IGSF21: variants seen among roughly 807,000 people sequenced by gnomAD.
IGSF21 encodes the protein immunoglobulin superfamily member 21.
Under a neutral mutation model 46.8 loss-of-function variants are expected in IGSF21, and 28 were observed. The ratio of observed to expected loss-of-function variants is 0.60; its 90% CI spans 0.44 to 0.82. IGSF21 has a LOEUF of 0.82. IGSF21 is among the 40% of genes least tolerant of loss of function. IGSF21 has a pLI of 0.00. For synonymous variants in IGSF21, 284 were observed against 273.6 expected, an observed-to-expected ratio of 1.04 and a Z score of -0.38; for missense variants, 624 against 665.5, an observed-to-expected ratio of 0.94 and a Z score of 0.69.
chr1:18,144,438 G>A (rs1026448550), intron 1 of IGSF21, among the ~76,000 whole-genome samples: 3 of 152,214 alleles, frequency 2.0e-5, no homozygotes, highest in Non-Finnish European at 4.4e-5. Flanking sequence ...GCCTGTGCCT[G>A]AAGCAGCTGT....
chr1:18,177,439 A>T (rs193021517), intron 1 of IGSF21, among the ~76,000 whole-genome samples: 1 of 29,534 alleles, frequency 3.4e-5, no homozygotes, highest in African/African-American at 1.1e-4. Flanking sequence ...GTGTGTGTAC[A>T]TGGTTCTTGG....
intron 2 of IGSF21, among the ~76,000 whole-genome samples, chr1:18,288,906 G>C (rs2085240944): frequency 6.6e-6 from 1 of 152,182 alleles, no homozygotes; most frequent in Admixed American, 6.5e-5. Flanking sequence ...GTGAGGCCCT[G>C]ACACAGCCCC....
chr1:18,114,639 AC>A (rs1422872345), intron 1 of IGSF21: 1 of 152,248 alleles, frequency 6.6e-6, no homozygotes, highest in Non-Finnish European at 1.5e-5. Context: ...TGCTGGCAGT[AC>A]TTGAAAATGC....
rs1258025618 is a variant in IGSF21 at position 18,335,279 on chromosome 1, T to C, written c.424+269T>C. On this transcript the variant is annotated intron_variant, in intron 4 of 9. Transcript: ENST00000251296. This position sits in a 1 kb window ranked among gnomAD's most constrained non-coding sequence, Gnocchi z 4.8. ...CCCCAACAGGACCCTCCCCAGGGAG[T>C]GAAGGATAGCACCTCAGCCGAGATG... 6.6e-6 allele frequency among the ~76,000 whole-genome samples: 1 copy of C among 151,914 alleles called. No homozygotes were observed. Among genetic ancestry groups the C allele is most frequent in the Admixed American group, 6.6e-5 (1 of 15,248 alleles).
rs10522294 is a variant in IGSF21, at chr1:18,282,635, T to TACACACACAC, written c.184-9203_184-9194dup. ...TTTGCCAAAAACTCATCCCCTTACA[T>TACACACACAC]ACACACACACACACACACACACACA... On this transcript the variant is annotated intron_variant, in intron 2 of 9. Coordinates refer to ENST00000251296, the MANE Select transcript of IGSF21 (RefSeq NM_032880.5). Among the ~76,000 whole-genome samples the TACACACACAC allele has an allele frequency of 5.5e-3, 754 of 137,612 alleles. 1 individual carries two copies. Among genetic ancestry groups the TACACACACAC allele is most frequent in the African/African-American group, 0.017 (639 of 37,350 alleles). The allele number at this position is 137,612 out of a possible 152,430, so 90.3% of individuals were successfully genotyped here.
chr1:18,340,786 T>A (rs1436625966), intron 4 of IGSF21, among the ~76,000 whole-genome samples: 1 of 152,098 alleles, frequency 6.6e-6, no homozygotes, highest in Non-Finnish European at 1.5e-5. Context: ...CCCTGGCTTA[T>A]AGATGCATCA....
At chr1:18,325,997 G>A (rs562538497) in intron 3 of IGSF21, among the ~76,000 whole-genome samples, 1 of 152,346 alleles carries the variant, frequency 6.6e-6, no homozygotes, top group South Asian at 2.1e-4. Flanking sequence ...TTACACAGGT[G>A]TGAGGAGGTG....
chr1:18,157,616 G>C (rs9659686), intron 1 of IGSF21, among the ~76,000 whole-genome samples: 28,424 of 152,152 alleles, frequency 0.19, 2,959 homozygotes, highest in Middle Eastern at 0.3. Context: ...TGGTACACAC[G>C]TTAAGCAAGA....
chr1:18,227,943 G>A lies in IGSF21; in HGVS notation c.116G>A (p.Gly39Glu), dbSNP rs1569576696. 4 of 1,614,084 alleles carry A rather than the reference G, an allele frequency of 2.5e-6. No homozygotes were observed. Among genetic ancestry groups the A allele is most frequent in the Non-Finnish European group, 3.4e-6 (4 of 1,179,986 alleles). Residue 39 changes from glycine to glutamate, a missense_variant, in exon 2 of 10, where the codon GGA (glycine) becomes GAA (glutamate). Gly to Glu is a moderately conservative substitution (Grantham distance 98, BLOSUM62 -2). Transcript: ENST00000251296. Reference sequence around the variant, plus strand: ...GAGCCTCTCCCCCCTGTGGTGGCTGGAGACGCCGTGACTTTGAAGTGTAAC... The same window carrying A: ...GAGCCTCTCCCCCCTGTGGTGGCTGAAGACGCCGTGACTTTGAAGTGTAAC... ...NIEPLPPVVA[G>E]DAVTLKCNFK...
At chr1:18,353,622 A>T (rs1482872105) in intron 4 of IGSF21, among the ~76,000 whole-genome samples, 1 of 152,144 alleles carries the variant, frequency 6.6e-6, no homozygotes, top group African/African-American at 2.4e-5. Context: ...CTTAGCTTAG[A>T]TTGAGGGGTG....
intron 6 of IGSF21, among the ~76,000 whole-genome samples, chr1:18,373,941 G>A (rs1569901084): frequency 6.6e-6 from 1 of 152,308 alleles, no homozygotes; most frequent in South Asian, 2.1e-4. Flanking sequence ...CTTAGAACCA[G>A]CAGGCCCAGG....
At position 18,108,028 on chromosome 1, in the gene IGSF21, A is replaced by C; in HGVS notation, c.-101A>C. The C allele has an allele frequency of 2.3e-6, 1 of 426,930 alleles. No homozygotes were observed. The highest frequency in any genetic ancestry group is 3.6e-6 in the Non-Finnish European group (1 of 274,450). The allele number at this position is 426,930 out of a possible 1,614,324, so 26.4% of individuals were successfully genotyped here. ...CGCGCTGCCCGCCACCGCCTCGGCC[A>C]GTGGCCGGAGGCAGGAGCGCGTCTG... On this transcript the variant is annotated 5_prime_UTR_variant, in exon 1 of 10. Coordinates refer to ENST00000251296, the MANE Select transcript of IGSF21 (RefSeq NM_032880.5).
chr1:18,336,390 C>T (rs1408681742), intron 4 of IGSF21, among the ~76,000 whole-genome samples: 1 of 152,182 alleles, frequency 6.6e-6, no homozygotes, highest in African/African-American at 2.4e-5. Flanking sequence ...GTCCTCACAA[C>T]CAATCCAAGG....
At chr1:18,309,945 C>A (rs2085472611) in intron 3 of IGSF21, among the ~76,000 whole-genome samples, 1 of 152,154 alleles carries the variant, frequency 6.6e-6, no homozygotes, top group Non-Finnish European at 1.5e-5. Context: ...GCCGACGAGG[C>A]CCTGGGGGGT....
chr1:18,370,408 A>G (rs2124636573), intron 6 of IGSF21, among the ~76,000 whole-genome samples: 2 of 152,316 alleles, frequency 1.3e-5, no homozygotes, highest in South Asian at 4.1e-4. Flanking sequence ...GCATAAGGAA[A>G]AATTAAACCT....
intron 1 of IGSF21, among the ~76,000 whole-genome samples, chr1:18,143,313 G>A (rs77822143): frequency 0.11 from 16,026 of 151,908 alleles, 1,106 homozygotes; most frequent in Non-Finnish European, 0.15. Flanking sequence ...CTTTCAGGCC[G>A]GGACCCTCAT....
chr1:18,277,551 T>C (rs1345886092), intron 2 of IGSF21, among the ~76,000 whole-genome samples: 1 of 152,170 alleles, frequency 6.6e-6, no homozygotes. Context: ...CGTGACTTTT[T>C]TTAAAAAAAA....
In IGSF21 at chr1:18,156,866, G is replaced by A. The variant is rs78520735; in HGVS notation, c.70+48668G>A. 0.012 allele frequency among the ~76,000 whole-genome samples: 1,880 copies of A among 152,282 alleles called. 33 individuals carry two copies. The Middle Eastern group carries it at 0.15, about 12-fold the overall frequency. On this transcript the variant is annotated intron_variant, in intron 1 of 9. Transcript: ENST00000251296. ...GCAGTTCCCGTCAAAAAGACATTCA[G>A]ACTCTCCCAGCACTTTGAGGGGCGG...
At chr1:18,357,077 T>C (rs1220345502) in intron 4 of IGSF21, among the ~76,000 whole-genome samples, 2 of 141,298 alleles carry the variant, frequency 1.4e-5, no homozygotes, top group Non-Finnish European at 3.1e-5. Context: ...GAGATAGAGA[T>C]AGAGGTGGAG....
Sources: gnomAD v4.1 joint callset for allele counts (sites outside exome capture counted in the v4.1 genomes callset) on GRCh38, gnomAD v4.1.1 for gene constraint, Gnocchi (gnomAD v3.1) non-coding constraint, MANE v1.5 for transcripts, NCBI Gene and HGNC (gene_info 2026-07-23, HGNC 2026-07-21) for gene names.